Variants in GRAMD1B observed in about 807,000 individuals in gnomAD.
GRAMD1B encodes the protein protein Aster-B.
In GRAMD1B, 37 loss-of-function variants were observed where a neutral mutation model predicts 99.7. That is an observed-to-expected ratio of 0.37 (90% CI 0.29 to 0.49). The LOEUF (loss-of-function observed/expected upper bound fraction) is 0.49. Ranked by LOEUF, GRAMD1B falls within the 20% of genes least tolerant of loss-of-function variation. The probability of loss-of-function intolerance (pLI) is 0.98; values close to 1 mark genes in which losing one functional copy is unlikely to be tolerated. For missense variants in GRAMD1B, 888 were observed against 1,009.2 expected, an observed-to-expected ratio of 0.88 and a Z score of 1.63; for synonymous variants, 427 against 387.6, an observed-to-expected ratio of 1.10 and a Z score of -1.19.
chr11:123,625,973 A>AGAGAGATCGAGAGAGAGATC lies in GRAMD1B; in HGVS notation c.*3384_*3385insTCGAGAGAGAGATCGAGAGA, dbSNP rs1555112799. 1 of 139,748 alleles carries AGAGAGATCGAGAGAGAGATC rather than the reference A, an allele frequency of 7.2e-6. No homozygotes were observed. The highest frequency in any genetic ancestry group is 2.6e-5 in the African/African-American group (1 of 38,420). 8.7% of individuals were successfully genotyped at this position (139,748 alleles called of 1,614,324 possible). On this transcript the variant is annotated 3_prime_UTR_variant, in exon 20 of 20. Coordinates refer to ENST00000635736, the MANE Select transcript of GRAMD1B (RefSeq NM_001387025.1). ...GAGAGAGAGAGAGAGAGAGAGAGAG[A>AGAGAGATCGAGAGAGAGATC]GAGAGAGATCGAGCTTGATGTATTG...
chr11:123,383,789 A>AATATATAT (rs113677613), intron 1 of GRAMD1B, among the ~76,000 whole-genome samples: 65 of 147,088 alleles, frequency 4.4e-4, no homozygotes, highest in African/African-American at 1.5e-3. Context: ...TCCCTTCATG[A>AATATATAT]ATATATATAT....
rs766719644 is a variant in GRAMD1B at position 123,603,452 on chromosome 11, C to G, written c.1077C>G (p.His359Gln). The change falls in exon 9 of 20, where the codon CAC becomes CAG. Residue 359 changes from histidine (H) to glutamine (Q), a missense_variant. By Grantham distance (24) the His-to-Gln change is conservative. This residue lies in a region of GRAMD1B where 269 missense variants were observed against 296.6 expected (regional missense o/e 0.91). Transcript: ENST00000635736. ...EKPLCPKELW[H>Q]FVHQCYGNEL... ...CTCTGTGTCCCAAGGAGCTCTGGCACTTTGTTCACCAGTGCTATGGGAACG... is the reference window on the plus strand; with the variant it reads ...CTCTGTGTCCCAAGGAGCTCTGGCAGTTTGTTCACCAGTGCTATGGGAACG... 6.2e-7 allele frequency: 1 copy of G among 1,612,676 alleles called. No homozygotes were observed.
chr11:123,413,813 T>C (rs1354196152), intron 1 of GRAMD1B, among the ~76,000 whole-genome samples: 1 of 151,964 alleles, frequency 6.6e-6, no homozygotes, highest in Non-Finnish European at 1.5e-5. Context: ...TGCTTTTCAA[T>C]TGCATCTTCT....
At chr11:123,443,597 G>C (rs1949508921) in intron 1 of GRAMD1B, among the ~76,000 whole-genome samples, 1 of 150,706 alleles carries the variant, frequency 6.6e-6, no homozygotes, top group Non-Finnish European at 1.5e-5. Context: ...ATGGAGTCTT[G>C]CTCTGTCACC....
intron 1 of GRAMD1B, among the ~76,000 whole-genome samples, chr11:123,464,275 G>T (rs968538152): frequency 1.3e-5 from 2 of 152,114 alleles, no homozygotes; most frequent in African/African-American, 4.8e-5. Flanking sequence ...CTGCACCCCA[G>T]CCTGGGAGAC....
intron 3 of GRAMD1B, 96 bp downstream of exon 3, chr11:123,577,673 C>G: frequency 1.1e-6 from 1 of 890,560 alleles, no homozygotes; most frequent in Non-Finnish European, 1.8e-6. Flanking sequence ...AGGGTCCTCA[C>G]GTGATGAACA....
At position 123,402,403 on chromosome 11, in the gene GRAMD1B, G is replaced by A. The variant is rs138306623; in HGVS notation, c.-176+43604G>A. Among the ~76,000 whole-genome samples the A allele has an allele frequency of 2.4e-3, 364 of 152,284 alleles. 1 individual carries two copies. The highest frequency in any genetic ancestry group is 8.2e-3 in the African/African-American group (342 of 41,546). On this transcript the variant is annotated intron_variant, in intron 1 of 20. Transcript: ENST00000638157. ...CAGATAGATAATAATAACAAAGGTC[G>A]TCATCATCATTGTTATTTTTATTAG...
chr11:123,488,804 C>T (rs1392888878), intron 2 of GRAMD1B, among the ~76,000 whole-genome samples: 3 of 152,092 alleles, frequency 2.0e-5, no homozygotes, highest in African/African-American at 7.2e-5. Flanking sequence ...AGTGAAAGAG[C>T]GATGCTCAAG....
At chr11:123,463,314 A>G (rs1221250110) in intron 1 of GRAMD1B, among the ~76,000 whole-genome samples, 2 of 152,172 alleles carry the variant, frequency 1.3e-5, no homozygotes, top group Non-Finnish European at 2.9e-5. Context: ...TGCCCAGCCT[A>G]TTTTCTTCAT....
At chr11:123,603,338 C>T in intron 8 of GRAMD1B, 88 bp from the exon 9 acceptor site, 1 of 788,118 alleles carries the variant, frequency 1.3e-6, no homozygotes, top group South Asian at 1.5e-5. Context: ...CTCCTCTTCT[C>T]CAGGGGAACC....
intron 1 of GRAMD1B, among the ~76,000 whole-genome samples, chr11:123,369,667 T>C (rs1946453800): frequency 6.6e-6 from 1 of 151,900 alleles, no homozygotes; most frequent in African/African-American, 2.4e-5. Context: ...AGGCCAGGAG[T>C]TCGTGACCAG....
intron 19 of GRAMD1B, among the ~76,000 whole-genome samples, chr11:123,621,630 A>C (rs2137161241): frequency 6.6e-6 from 1 of 152,350 alleles, no homozygotes; most frequent in African/African-American, 2.4e-5. Flanking sequence ...TGACACTGGA[A>C]TAGGCAAGAG....
chr11:123,567,919 T>G (rs1035655642), intron 2 of GRAMD1B, among the ~76,000 whole-genome samples: 11 of 152,250 alleles, frequency 7.2e-5, no homozygotes, highest in Non-Finnish European at 1.6e-4. Context: ...GCCCTTATGT[T>G]AATTAGTCAA....
At chr11:123,401,252 C>G (rs575388505) in intron 1 of GRAMD1B, among the ~76,000 whole-genome samples, 1 of 120,350 alleles carries the variant, frequency 8.3e-6, no homozygotes, top group African/African-American at 3.3e-5. Context: ...CTACTTTGCC[C>G]CTCCCTCTGT....
chr11:123,529,537 T>C (rs995806885), intron 2 of GRAMD1B, among the ~76,000 whole-genome samples: 4 of 152,158 alleles, frequency 2.6e-5, no homozygotes, highest in African/African-American at 9.7e-5. Context: ...CTTCTACTGG[T>C]AACTTGGTGA....
chr11:123,554,021 T>C (rs377555582), intron 2 of GRAMD1B, among the ~76,000 whole-genome samples: 75 of 152,316 alleles, frequency 4.9e-4, no homozygotes, highest in African/African-American at 1.7e-3. Context: ...TCTGTTTCCT[T>C]GACCCTCTTT....
At chr11:123,554,626 C>T (rs903020913) in intron 2 of GRAMD1B, among the ~76,000 whole-genome samples, 1 of 151,798 alleles carries the variant, frequency 6.6e-6, no homozygotes, top group Non-Finnish European at 1.5e-5. Context: ...GGGAGGATTG[C>T]TTGAGCCCAG....
chr11:123,379,412 A>G (rs538353850), intron 1 of GRAMD1B, among the ~76,000 whole-genome samples: 2 of 152,324 alleles, frequency 1.3e-5, no homozygotes, highest in African/African-American at 4.8e-5. Context: ...ATATCTTAAA[A>G]AAAAAACAAA....
Position 123,601,397 on chromosome 11 carries a change from A to G in GRAMD1B, c.1050+849A>G, listed in dbSNP as rs141432773. Among the ~76,000 whole-genome samples the G allele has an allele frequency of 3.0e-3, 461 of 152,004 alleles. 4 individuals are homozygous for G. Among genetic ancestry groups the G allele is most frequent in the Admixed American group, 0.012 (183 of 15,254 alleles). On this transcript the variant is annotated intron_variant, in intron 8 of 19. Coordinates refer to ENST00000635736, the MANE Select transcript of GRAMD1B (RefSeq NM_001387025.1). ...AAGACCCTGTTTCAATTAAAAAAAA[A>G]AAAAGTTCCCACTCAGATGCAGTTG...
Sources: gnomAD v4.1 joint callset for allele counts (sites outside exome capture counted in the v4.1 genomes callset) on GRCh38, gnomAD v4.1.1 for gene constraint, gnomAD v4.1.1 regional missense constraint, MANE v1.5 for transcripts, NCBI Gene and HGNC (gene_info 2026-07-23, HGNC 2026-07-21) for gene names.